The following SHISA6 variants were observed in gnomAD, a reference collection of about 807,000 sequenced individuals.
SHISA6 encodes the protein protein shisa-6.
Under a neutral mutation model 47.9 loss-of-function variants are expected in SHISA6, and 22 were observed. The ratio of observed to expected loss-of-function variants is 0.46; its 90% confidence interval spans 0.33 to 0.66. The LOEUF (loss-of-function observed/expected upper bound fraction) is 0.66. Ranked by LOEUF, SHISA6 falls within the 30% of genes least tolerant of loss-of-function variation. The probability of loss-of-function intolerance (pLI) is 0.02; values close to 1 mark genes in which losing one functional copy is unlikely to be tolerated. For synonymous variants in SHISA6, 388 were observed against 337.8 expected, an observed-to-expected ratio of 1.15 and a Z score of -1.63; for missense variants, 680 against 764.6, an observed-to-expected ratio of 0.89 and a Z score of 1.30.
At chr17:11,398,625 G>A (rs1055569427) in intron 3 of SHISA6, among the ~76,000 whole-genome samples, 2 of 151,222 alleles carry the variant, frequency 1.3e-5, no homozygotes, top group Non-Finnish European at 2.9e-5. Flanking sequence ...ACAGACTCTC[G>A]CTCTGTTGCC....
intron 2 of SHISA6, among the ~76,000 whole-genome samples, chr17:11,365,617 T>G (rs894650860): frequency 1.3e-5 from 2 of 152,200 alleles, no homozygotes; most frequent in Non-Finnish European, 2.9e-5. Flanking sequence ...TATAAAGTTT[T>G]CTTAGACAGT....
chr17:11,326,599 C>T (rs922253724), intron 2 of SHISA6, among the ~76,000 whole-genome samples: 6 of 152,160 alleles, frequency 3.9e-5, no homozygotes, highest in Non-Finnish European at 7.3e-5. Context: ...CTCAACCTTC[C>T]GAATCCTAGA....
chr17:11,276,839 A>G (rs1908918093), intron 2 of SHISA6, among the ~76,000 whole-genome samples: 1 of 152,226 alleles, frequency 6.6e-6, no homozygotes. Flanking sequence ...GGACGACTTC[A>G]ATAGGTATCT....
chr17:11,314,889 A>G (rs562147826), intron 2 of SHISA6, among the ~76,000 whole-genome samples: 9 of 152,092 alleles, frequency 5.9e-5, no homozygotes, highest in Non-Finnish European at 1.3e-4. Flanking sequence ...GATGTCTGGA[A>G]GTGTAAATCA....
chr17:11,345,968 G>A (rs1911689304), intron 2 of SHISA6, among the ~76,000 whole-genome samples: 1 of 152,036 alleles, frequency 6.6e-6, no homozygotes, highest in Non-Finnish European at 1.5e-5. Context: ...ACTTGTCTAA[G>A]TGTCACAGCT....
chr17:11,461,022 T>C (rs937702822), intron 3 of SHISA6, among the ~76,000 whole-genome samples: 1 of 152,238 alleles, frequency 6.6e-6, no homozygotes, highest in African/African-American at 2.4e-5. Context: ...GTTTCTGTCT[T>C]CCTGAGGAAT....
At chr17:11,311,035 A>G (rs1489781581) in intron 2 of SHISA6, among the ~76,000 whole-genome samples, 4 of 139,512 alleles carry the variant, frequency 2.9e-5, no homozygotes, top group African/African-American at 1.1e-4. Flanking sequence ...TGAACCCAGG[A>G]GGCGGAGCTT....
intron 2 of SHISA6, chr17:11,289,369 C>G (rs1225381604): frequency 1.3e-5 from 2 of 151,740 alleles, no homozygotes; most frequent in Admixed American, 1.3e-4. Flanking sequence ...TTAAACTGTC[C>G]TCTATCATGA....
chr17:11,417,259 A>G (rs913509719), intron 3 of SHISA6, among the ~76,000 whole-genome samples: 31 of 152,236 alleles, frequency 2.0e-4, no homozygotes, highest in African/African-American at 7.5e-4. Flanking sequence ...TCAAATTATT[A>G]ATGAACAAAA....
At position 11,412,781 on chromosome 17, in the gene SHISA6, C is replaced by T. The variant is rs141731228; in HGVS notation, c.895+33272C>T. On this transcript the variant is annotated intron_variant, in intron 3 of 5. Coordinates refer to ENST00000441885, the MANE Select transcript of SHISA6 (RefSeq NM_207386.4). ...TGAACTTGGTTAGAGGCTTGTATTC[C>T]GTGCATTCCACCATCCCCACCACCC... 7.5e-3 allele frequency among the ~76,000 whole-genome samples: 1,140 copies of T among 152,184 alleles called. 21 individuals are homozygous for T. The highest frequency in any genetic ancestry group is 0.026 in the African/African-American group (1,089 of 41,518).
At chr17:11,310,230 G>C (rs1910270577) in intron 2 of SHISA6, among the ~76,000 whole-genome samples, 1 of 152,180 alleles carries the variant, frequency 6.6e-6, no homozygotes, top group Non-Finnish European at 1.5e-5. Flanking sequence ...CTGTGTGCCA[G>C]GCACTGTTTT....
At chr17:11,242,303 AG>A (rs1444382998) in intron 1 of SHISA6, among the ~76,000 whole-genome samples, 1 of 152,220 alleles carries the variant, frequency 6.6e-6, no homozygotes. Flanking sequence ...GAATTGGTTG[AG>A]TGCATGAAGT....
intron 2 of SHISA6, among the ~76,000 whole-genome samples, chr17:11,351,892 T>C (rs1911903841): frequency 1.3e-5 from 2 of 152,232 alleles, no homozygotes; most frequent in Admixed American, 1.3e-4. Context: ...TATAGGTTTT[T>C]GAACATAGTA....
chr17:11,535,541 T>C (rs1315628097), intron 3 of SHISA6, among the ~76,000 whole-genome samples: 2 of 152,174 alleles, frequency 1.3e-5, no homozygotes, highest in African/African-American at 4.8e-5. Context: ...ATTTCTAGAT[T>C]AGAAGCAGTG....
chr17:11,292,067 A>G (rs1040703302), intron 2 of SHISA6, among the ~76,000 whole-genome samples: 14 of 152,198 alleles, frequency 9.2e-5, no homozygotes, highest in African/African-American at 3.4e-4. Context: ...GTTCAAGAAC[A>G]GAACCATAAT....
At chr17:11,305,821 G>A (rs1263786832) in intron 2 of SHISA6, among the ~76,000 whole-genome samples, 1 of 152,306 alleles carries the variant, frequency 6.6e-6, no homozygotes. Context: ...TCTCGGAGCG[G>A]AGGCCAACAG....
At chr17:11,320,256 A>G (rs1910665671) in intron 2 of SHISA6, among the ~76,000 whole-genome samples, 2 of 152,242 alleles carry the variant, frequency 1.3e-5, no homozygotes, top group South Asian at 2.1e-4. Context: ...GATGCTTAAC[A>G]ATTAAGTGAC....
At chr17:11,344,364 G>A (rs1267588568) in intron 2 of SHISA6, among the ~76,000 whole-genome samples, 1 of 151,954 alleles carries the variant, frequency 6.6e-6, no homozygotes, top group Non-Finnish European at 1.5e-5. Flanking sequence ...TTTGTTACTT[G>A]TGCTTTTGGT....
At chr17:11,269,103 G>A (rs183533809) in intron 2 of SHISA6, among the ~76,000 whole-genome samples, 40 of 151,328 alleles carry the variant, frequency 2.6e-4, no homozygotes, top group Admixed American at 2.6e-3. Context: ...GTGCAGTGGC[G>A]CGATCTCAGC....
Sources: allele counts gnomAD v4.1 joint callset (sites outside exome capture counted in the v4.1 genomes callset), GRCh38; gene constraint gnomAD v4.1.1; transcripts MANE v1.5; gene names NCBI Gene and HGNC (gene_info 2026-07-23, HGNC 2026-07-21).